Variants in BMS1 observed in about 807,000 individuals in gnomAD.
The protein encoded by BMS1 is ribosome biogenesis protein BMS1 homolog.
BMS1 carries 53 observed loss-of-function variants against 138.7 expected under a neutral mutation model. The ratio of observed to expected loss-of-function variants is 0.38; its 90% CI spans 0.31 to 0.48. The LOEUF (loss-of-function observed/expected upper bound fraction) is 0.48, where lower values mean the gene tolerates loss of function less well. Among genes scored for constraint, BMS1 ranks in the 20% least tolerant of loss-of-function variants. The pLI is 0.97. For missense variants in BMS1, 1,360 were observed against 1,565.5 expected, an observed-to-expected ratio of 0.87 and a Z score of 2.22; for synonymous variants, 504 against 539.9, an observed-to-expected ratio of 0.93 and a Z score of 0.92.
At chr10:42,825,531 CTAAG>C (rs1412688738) in intron 21 of BMS1, among the ~76,000 whole-genome samples, 2 of 151,968 alleles carry the variant, frequency 1.3e-5, no homozygotes, top group Non-Finnish European at 2.9e-5. Context: ...AAGTTTATTC[CTAAG>C]TTTTTGTTTT....
At position 42,796,890 on chromosome 10, in the gene BMS1, C is replaced by T; in HGVS notation, c.1646C>T (p.Ala549Val). The T allele has an allele frequency of 6.2e-7, 1 of 1,614,154 alleles. No individual in the cohort carries two copies. Among genetic ancestry groups the T allele is most frequent in the East Asian group, 2.2e-5 (1 of 44,878 alleles). ...AAGGCTGCTGGAGAAGGTAGTAAAG[C>T]AGGGCTGTCACCAGCTAATTGCCAG... is the stretch of plus-strand genomic sequence containing the variant. ...GSKAAGEGSK[A>V]GLSPANCQSD... Residue 549 changes from alanine to valine, a missense_variant, in exon 10 of 23, where the codon GCA becomes GTA. By Grantham distance (64) the Ala-to-Val change is moderately conservative. Transcript: ENST00000374518.
rs758086859 is a variant in BMS1, at chr10:42,823,728, C to G, written c.3400C>G (p.Gln1134Glu). ...DTWSGMRTTG[Q>E]LRLAHGVRLK... ...CTGGTCAGGAATGCGGACCACGGGCCAACTCAGGCTCGCCCATGGCGTCAG... is the reference window on the plus strand; with the variant it reads ...CTGGTCAGGAATGCGGACCACGGGCGAACTCAGGCTCGCCCATGGCGTCAG... The change falls in exon 21 of 23, where the codon CAA becomes GAA. Residue 1134 changes from glutamine to glutamate, a missense_variant. Gln to Glu is a conservative substitution (Grantham distance 29, BLOSUM62 2). Coordinates refer to ENST00000374518, the MANE Select transcript of BMS1 (RefSeq NM_014753.4). 1.3e-6 allele frequency: 2 copies of G among 1,595,896 alleles called. No homozygotes were observed. Among genetic ancestry groups the G allele is most frequent in the Non-Finnish European group, 1.7e-6 (2 of 1,179,558 alleles).
At chr10:42,786,936 T>C (rs1295729420) in intron 3 of BMS1, among the ~76,000 whole-genome samples, 1 of 152,208 alleles carries the variant, frequency 6.6e-6, no homozygotes, top group East Asian at 1.9e-4. Context: ...TGAGCACTTT[T>C]ATTCATCTGG....
In BMS1 at chr10:42,785,471, T is replaced by G. The variant is rs183403000; in HGVS notation, c.177-11T>G. ...TACTATTTATTTATTTGTTTATTTTTTAATGAATAGGACTCAGGATTTGAA... is the reference window on the plus strand; with the variant it reads ...TACTATTTATTTATTTGTTTATTTTGTAATGAATAGGACTCAGGATTTGAA... On this transcript the variant is annotated splice_polypyrimidine_tract_variant and intron_variant, in intron 2 of 22. Coordinates refer to ENST00000374518, the MANE Select transcript of BMS1 (RefSeq NM_014753.4). 1.8e-4 allele frequency: 276 copies of G among 1,571,140 alleles called. 1 individual carries two copies. The African/African-American group carries it at 3.3e-3, about 19-fold the overall frequency.
intron 9 of BMS1, among the ~76,000 whole-genome samples, chr10:42,795,685 G>A (rs1042446523): frequency 6.6e-6 from 1 of 151,884 alleles, no homozygotes; most frequent in African/African-American, 2.4e-5. Context: ...TCAAATTTAT[G>A]TTTTCTTAAT....
intron 15 of BMS1, among the ~76,000 whole-genome samples, chr10:42,819,314 A>G (rs1842436193): frequency 1.3e-5 from 2 of 152,220 alleles, no homozygotes; most frequent in Admixed American, 6.5e-5. Flanking sequence ...ATCGAGATGC[A>G]CGTCAGTGCT....
intron 21 of BMS1, 56 bp from the exon 22 acceptor site, chr10:42,830,205 T>A (rs542443357): frequency 1.0e-4 from 166 of 1,588,988 alleles, no homozygotes; most frequent in Non-Finnish European, 1.4e-4. Context: ...TGCAGAAGTT[T>A]TAAATGCACA....
Position 42,823,644 on chromosome 10 carries a change from A to G in BMS1, c.3316A>G (p.Ile1106Val). The G allele has an allele frequency of 6.3e-7, 1 of 1,590,070 alleles. No individual in the cohort carries two copies. Among genetic ancestry groups the G allele is most frequent in the South Asian group, 1.1e-5 (1 of 89,178 alleles). The change falls in exon 21 of 23, where the codon ATC becomes GTC. Residue 1106 changes from isoleucine (I) to valine (V), a missense_variant. This residue lies in a region of BMS1 where 425 missense variants were observed against 568.3 expected (regional missense o/e 0.75). Coordinates refer to ENST00000374518, the MANE Select transcript of BMS1 (RefSeq NM_014753.4). The part of the protein sequence containing the change: ...VFMRTWYPVS[I>V]PAFYNPVTSL... ...CATGCGAACTTGGTATCCTGTTTCC[A>G]TCCCAGCGTTCTATAACCCAGTAAC...
At chr10:42,795,689 T>C (rs1841662569) in intron 9 of BMS1, among the ~76,000 whole-genome samples, 1 of 152,152 alleles carries the variant, frequency 6.6e-6, no homozygotes, top group Non-Finnish European at 1.5e-5. Flanking sequence ...ATTTATGTTT[T>C]CTTAATTTTA....
Position 42,796,918 on chromosome 10 carries a change from T to G in BMS1, c.1674T>G (p.Ser558Arg). The G allele has an allele frequency of 6.2e-7, 1 of 1,614,116 alleles. No homozygotes were observed. Among genetic ancestry groups the G allele is most frequent in the Non-Finnish European group, 8.5e-7 (1 of 1,180,030 alleles). ...KAGLSPANCQ[S>R]DRVNLEKSLL... Reference sequence around the variant, plus strand: ...GGCTGTCACCAGCTAATTGCCAGAGTGACCGTGTGAATCTGGAGAAGTCTT... The same window carrying G: ...GGCTGTCACCAGCTAATTGCCAGAGGGACCGTGTGAATCTGGAGAAGTCTT... The change falls in exon 10 of 23, where the codon AGT becomes AGG. Residue 558 changes from serine to arginine, a missense_variant. By Grantham distance (110) the Ser-to-Arg change is moderately radical (BLOSUM62 -1). This residue lies in a region of BMS1 where 697 missense variants were observed against 686.2 expected (regional missense o/e 1.02). Transcript: ENST00000374518.
intron 4 of BMS1, among the ~76,000 whole-genome samples, chr10:42,789,099 A>G (rs1392699796): frequency 6.6e-6 from 1 of 152,208 alleles, no homozygotes; most frequent in Admixed American, 6.5e-5. Flanking sequence ...TTGGGTGTGT[A>G]CAGGCGTGTG....
chr10:42,807,255 T>C (rs1189121257), intron 13 of BMS1, among the ~76,000 whole-genome samples: 2 of 152,230 alleles, frequency 1.3e-5, no homozygotes, highest in African/African-American at 4.8e-5. Context: ...TTCTACAATT[T>C]TGTCATCTTC....
chr10:42,801,318 T>G (rs1841870355), intron 12 of BMS1, among the ~76,000 whole-genome samples: 1 of 152,236 alleles, frequency 6.6e-6, no homozygotes, highest in African/African-American at 2.4e-5. Context: ...GAGAATCACA[T>G]AATTACTCAT....
intron 13 of BMS1, among the ~76,000 whole-genome samples, chr10:42,813,602 T>G (rs1447639242): frequency 6.6e-6 from 1 of 152,228 alleles, no homozygotes; most frequent in East Asian, 1.9e-4. Context: ...TCAAGTGTGA[T>G]TTTAAGAACT....
chr10:42,817,670 C>T (rs1842388377), intron 15 of BMS1, among the ~76,000 whole-genome samples, 176 bp downstream of exon 15: 1 of 152,146 alleles, frequency 6.6e-6, no homozygotes, highest in African/African-American at 2.4e-5. Context: ...GCAGTGAGCT[C>T]ATTGTTTCTG....
intron 13 of BMS1, among the ~76,000 whole-genome samples, chr10:42,809,622 G>C (rs1390694299): frequency 1.3e-5 from 2 of 152,148 alleles, no homozygotes; most frequent in Admixed American, 1.3e-4. Context: ...ACAATGTGGA[G>C]TAAGAGTGCT....
intron 13 of BMS1, among the ~76,000 whole-genome samples, chr10:42,807,317 T>A (rs1381173587): frequency 6.6e-6 from 1 of 152,198 alleles, no homozygotes; most frequent in Admixed American, 6.5e-5. Context: ...TGTGAGGGGC[T>A]TTTTTCACTC....
Position 42,834,105 on chromosome 10 carries a change from G to A in BMS1, c.*3009G>A, listed in dbSNP as rs1230196555. The A allele has an allele frequency of 6.6e-6, 1 of 152,166 alleles. No homozygotes were observed. The highest frequency in any genetic ancestry group is 2.4e-5 in the African/African-American group (1 of 41,424). 9.4% of individuals were successfully genotyped at this position (152,166 alleles called of 1,614,324 possible). A position where few individuals can be genotyped will look rare whatever the true frequency, so the allele number is the denominator to read the frequency against. On this transcript the variant is annotated 3_prime_UTR_variant, in exon 23 of 23. Coordinates refer to ENST00000374518, the MANE Select transcript of BMS1 (RefSeq NM_014753.4). ...ATACCTTTTCTATTTACTAGGCACA[G>A]GCAGCCATAGGTGCTAGGTATGTTT...
At chr10:42,826,973 C>T (rs923788228) in intron 21 of BMS1, among the ~76,000 whole-genome samples, 11 of 152,152 alleles carry the variant, frequency 7.2e-5, no homozygotes, top group Admixed American at 7.2e-4. Flanking sequence ...ATCGTTTGTT[C>T]CCACCAGCAC....
Sources: gnomAD v4.1 joint callset for allele counts (sites outside exome capture counted in the v4.1 genomes callset) on GRCh38, gnomAD v4.1.1 for gene constraint, gnomAD v4.1.1 regional missense constraint, MANE v1.5 for transcripts, NCBI Gene and HGNC (gene_info 2026-07-23, HGNC 2026-07-21) for gene names.